KIF26A: variants seen among roughly 807,000 people sequenced by gnomAD.
The protein encoded by KIF26A is kinesin-like protein KIF26A.
In KIF26A, 74 loss-of-function variants were observed where a neutral mutation model predicts 126.0. The observed-to-expected ratio is 0.59, with a 90% CI of 0.49 to 0.71. The LOEUF (loss-of-function observed/expected upper bound fraction) is 0.71. Among genes scored for constraint, KIF26A ranks in the 30% least tolerant of loss-of-function variants. The probability of loss-of-function intolerance (pLI) is 0.00; values close to 1 mark genes in which losing one functional copy is unlikely to be tolerated. For missense variants in KIF26A, 2,984 were observed against 2,763.3 expected, an observed-to-expected ratio of 1.08 and a Z score of -1.79; for synonymous variants, 1,445 against 1,232.7, an observed-to-expected ratio of 1.17 and a Z score of -3.61.
At chr14:104,157,028 C>A (rs1285608580) in intron 3 of KIF26A, among the ~76,000 whole-genome samples, 1 of 152,130 alleles carries the variant, frequency 6.6e-6, no homozygotes, top group Non-Finnish European at 1.5e-5. Context: ...AAGCAGGCTG[C>A]CTTCCCTGCC....
intron 5 of KIF26A, among the ~76,000 whole-genome samples, chr14:104,170,313 C>G (rs562957971): frequency 6.6e-6 from 1 of 152,270 alleles, no homozygotes; most frequent in South Asian, 2.1e-4. Context: ...ATAAAAGAAT[C>G]GATTCTTGCC....
In KIF26A at chr14:104,173,110, C is replaced by T; in HGVS notation, c.1554C>T (p.Val518=). The change falls in exon 8 of 15, where the codon GTC becomes GTT. Residue 518 remains valine (V), a synonymous_variant. Coordinates refer to ENST00000423312, the MANE Select transcript of KIF26A (RefSeq NM_015656.2). ...ERTGTRFSVR[V]SAVEVCGRDQ... The stretch of plus-strand genomic sequence containing the variant: ...CGGGCACCCGCTTCTCCGTCCGGGT[C>T]TCAGCCGTGGAGGTGTGCGGGCGCG... 6.2e-7 allele frequency: 1 copy of T among 1,607,272 alleles called. No individual in the cohort carries two copies. The highest frequency in any genetic ancestry group is 2.2e-5 in the East Asian group (1 of 44,582).
rs1280313946 is a variant in KIF26A at position 104,152,368 on chromosome 14, G to C, written c.642G>C (p.Gly214=). The C allele has an allele frequency of 4.4e-6, 7 of 1,591,636 alleles. No homozygotes were observed. The highest frequency in any genetic ancestry group is 5.1e-6 in the Non-Finnish European group (6 of 1,170,644). ...CTGTAGCACCTGCGGGTCTTGGAGG[G>C]GCGCTGAGCACGGTCACCATCCAGG... is the stretch of plus-strand genomic sequence containing the variant. ...QVSVAPAGLG[G]ALSTVTIQAQ... The change falls in exon 3 of 15, where the codon GGG becomes GGC. Residue 214 remains glycine, a synonymous_variant. Transcript: ENST00000423312. The surrounding 1 kb of genome is among the most constrained non-coding windows in gnomAD (Gnocchi z 5.9).
chr14:104,144,292 G>A (rs1308021027), intron 2 of KIF26A, among the ~76,000 whole-genome samples: 2 of 152,294 alleles, frequency 1.3e-5, no homozygotes, highest in South Asian at 2.1e-4. Context: ...AGCGGCTTCC[G>A]GGGTACAAGC....
At chr14:104,150,928 C>T (rs2037723549) in intron 2 of KIF26A, among the ~76,000 whole-genome samples, 1 of 152,106 alleles carries the variant, frequency 6.6e-6, no homozygotes, top group Admixed American at 6.5e-5. Context: ...GCTGAGACAC[C>T]CCTTGGGGAG....
rs774944948 is a variant in KIF26A at position 104,174,133 on chromosome 14, C to T, written c.2031-15C>T. On this transcript the variant is annotated splice_polypyrimidine_tract_variant and intron_variant, in intron 10 of 14. Coordinates refer to ENST00000423312, the MANE Select transcript of KIF26A (RefSeq NM_015656.2). ...CTTCCCAAGGCCTTGGCATCTGAAC[C>T]GCCTCGACCCGCAGGGACCACAGGC... 74 of 1,537,666 alleles carry T rather than the reference C, an allele frequency of 4.8e-5. No homozygotes were observed. Among genetic ancestry groups the T allele is most frequent in the South Asian group, 1.0e-4 (8 of 79,944 alleles).
intron 6 of KIF26A, among the ~76,000 whole-genome samples, 153 bp downstream of exon 6, chr14:104,172,088 C>T (rs1258780802): frequency 6.6e-6 from 1 of 152,270 alleles, no homozygotes; most frequent in Admixed American, 6.5e-5. Flanking sequence ...TGCTTACCTC[C>T]CTCATCGTCC....
At chr14:104,162,782 C>T (rs2037845218) in intron 4 of KIF26A, among the ~76,000 whole-genome samples, 1 of 152,166 alleles carries the variant, frequency 6.6e-6, no homozygotes, top group Non-Finnish European at 1.5e-5. Flanking sequence ...GCGTCCCCCA[C>T]ATCCATTTCC....
rs1373498323 is a variant in KIF26A, at chr14:104,175,819, C to T, written c.3031C>T (p.Arg1011Trp). The T allele has an allele frequency of 8.4e-6, 13 of 1,538,718 alleles. No homozygotes were observed. Among genetic ancestry groups the T allele is most frequent in the Admixed American group, 3.9e-5 (2 of 51,124 alleles). Residue 1011 changes from arginine to tryptophan, a missense_variant, in exon 12 of 15, where the codon CGG (arginine) becomes TGG (tryptophan). By Grantham distance (101) the Arg-to-Trp change is moderately radical. Coordinates refer to ENST00000423312, the MANE Select transcript of KIF26A (RefSeq NM_015656.2). ...RLAAGSRCPERGLLTTTVTLQ... is the reference protein window; with the variant it reads ...RLAAGSRCPEWGLLTTTVTLQ... ...GGCTGCTGGCAGTCGCTGTCCGGAG[C>T]GGGGCCTGCTCACCACCACAGTGAC...
rs2038016943 is a variant in KIF26A, at chr14:104,175,829, T to G, written c.3041T>G (p.Leu1014Arg). The G allele has an allele frequency of 6.5e-7, 1 of 1,538,760 alleles. No homozygotes were observed. Among genetic ancestry groups the G allele is most frequent in the South Asian group, 1.2e-5 (1 of 84,124 alleles). Residue 1014 changes from leucine (L) to arginine (R), a missense_variant, in exon 12 of 15, where the codon CTC (leucine) becomes CGC (arginine). Physicochemically the swap from Leu to Arg is moderately radical, Grantham distance 102 (BLOSUM62 -2). Transcript: ENST00000423312. ...AGTCGCTGTCCGGAGCGGGGCCTGC[T>G]CACCACCACAGTGACCCTGCAGCGG... The part of the protein sequence containing the change: ...AGSRCPERGL[L>R]TTTVTLQRPV...
Position 104,175,818 on chromosome 14 carries a change from G to C in KIF26A, c.3030G>C (p.Glu1010Asp). ...TGGCTGCTGGCAGTCGCTGTCCGGA[G>C]CGGGGCCTGCTCACCACCACAGTGA... ...PRLAAGSRCP[E>D]RGLLTTTVTL... Residue 1010 changes from glutamate (E) to aspartate (D), a missense_variant, in exon 12 of 15, where the codon GAG becomes GAC. Glu to Asp is a conservative substitution (Grantham distance 45). Coordinates refer to ENST00000423312, the MANE Select transcript of KIF26A (RefSeq NM_015656.2). 6.5e-7 allele frequency: 1 copy of C among 1,538,822 alleles called. No homozygotes were observed. The highest frequency in any genetic ancestry group is 8.7e-7 in the Non-Finnish European group (1 of 1,147,024).
At chr14:104,156,041 C>A (rs2037773892) in intron 3 of KIF26A, among the ~76,000 whole-genome samples, 1 of 152,200 alleles carries the variant, frequency 6.6e-6, no homozygotes. Flanking sequence ...TCGCGACGAG[C>A]CACCTGTGGG....
At position 104,171,387 on chromosome 14, in the gene KIF26A, T is replaced by G. The variant is rs745588262; in HGVS notation, c.1114-336T>G. On this transcript the variant is annotated intron_variant, in intron 5 of 14. Transcript: ENST00000423312. ...CATGCTCCTCCCTCCTGCCCTCTCCTGGACTGAGCTGCTCTGCAGGACCTG... is the reference window on the plus strand; with the variant it reads ...CATGCTCCTCCCTCCTGCCCTCTCCGGGACTGAGCTGCTCTGCAGGACCTG... Among the ~76,000 whole-genome samples the G allele has an allele frequency of 2.2e-4, 34 of 152,228 alleles. 1 individual carries two copies. Among genetic ancestry groups the G allele is most frequent in the Non-Finnish European group, 1.3e-4 (9 of 68,032 alleles).
chr14:104,149,763 C>G (rs1392794410), intron 2 of KIF26A, among the ~76,000 whole-genome samples: 2 of 152,176 alleles, frequency 1.3e-5, no homozygotes, highest in Non-Finnish European at 2.9e-5. Context: ...CTGTGCAGCC[C>G]TGGAGAGAAG....
chr14:104,139,090 G>C lies in KIF26A; in HGVS notation c.90G>C (p.Val30=). 1 of 1,450,830 alleles carries C rather than the reference G, an allele frequency of 6.9e-7. No homozygotes were observed. 89.9% of individuals were successfully genotyped at this position (1,450,830 alleles called of 1,614,324 possible). A position where few individuals can be genotyped will look rare whatever the true frequency, so the allele number is the denominator to read the frequency against. ...PAREPPPLLE[V]SPRKRLPAGP... is the part of the protein sequence containing the mutation. ...GCGAGCCGCCGCCGCTGCTGGAGGT[G>C]TCCCCCCGAAAGAGGCTACCCGCCG... The change falls in exon 2 of 15, where the codon GTG becomes GTC. Residue 30 remains valine (V), a synonymous_variant. Coordinates refer to ENST00000423312, the MANE Select transcript of KIF26A (RefSeq NM_015656.2).
intron 3 of KIF26A, 92 bp from the exon 4 acceptor site, chr14:104,157,663 G>A (rs749240770): frequency 7.3e-7 from 1 of 1,364,686 alleles, no homozygotes; most frequent in South Asian, 1.4e-5. Context: ...GGGCTCTGGG[G>A]TGCCCAGGCC....
intron 4 of KIF26A, among the ~76,000 whole-genome samples, chr14:104,164,928 T>C (rs991055372): frequency 6.6e-6 from 1 of 152,036 alleles, no homozygotes; most frequent in Non-Finnish European, 1.5e-5. Flanking sequence ...TGTGTGTGTC[T>C]CTATGTCTCT....
chr14:104,175,583 A>G lies in KIF26A; in HGVS notation c.2795A>G (p.Glu932Gly). The G allele has an allele frequency of 6.2e-7, 1 of 1,608,908 alleles. No homozygotes were observed. Among genetic ancestry groups the G allele is most frequent in the Non-Finnish European group, 8.5e-7 (1 of 1,179,642 alleles). ...AGAGAGGACAGCAGCGCTTGGCCTG[A>G]GCTGCTGGTCCCGGAAAAGGCTGCA... ...DQREDSSAWP[E>G]LLVPEKAAVS... Residue 932 changes from glutamate (E) to glycine (G), a missense_variant, in exon 12 of 15, where the codon GAG becomes GGG. Physicochemically the swap from Glu to Gly is moderately conservative, Grantham distance 98. Coordinates refer to ENST00000423312, the MANE Select transcript of KIF26A (RefSeq NM_015656.2).
chr14:104,147,846 G>A (rs972990847), intron 2 of KIF26A, among the ~76,000 whole-genome samples: 10 of 152,226 alleles, frequency 6.6e-5, no homozygotes, highest in African/African-American at 9.6e-5. Flanking sequence ...GCCTCACTGC[G>A]TGGGTCGGGG....
Sources: gnomAD v4.1 joint callset for allele counts (sites outside exome capture counted in the v4.1 genomes callset) on GRCh38, gnomAD v4.1.1 for gene constraint, Gnocchi (gnomAD v3.1) non-coding constraint, MANE v1.5 for transcripts, NCBI Gene and HGNC (gene_info 2026-07-23, HGNC 2026-07-21) for gene names.